DNAH17: variants seen among roughly 807,000 people sequenced by gnomAD.
The protein encoded by DNAH17 is axonemal beta dynein heavy chain 17.
Under a neutral mutation model 485.6 loss-of-function variants are expected in DNAH17, and 376 were observed. That is an observed-to-expected ratio of 0.77 (90% CI 0.71 to 0.84). The LOEUF is 0.84. Among genes scored for constraint, DNAH17 ranks in the 40% least tolerant of loss-of-function variants. The pLI is 0.00. For synonymous variants in DNAH17, 3,031 were observed against 2,405.9 expected (o/e 1.26, Z -7.60); for missense variants, 6,370 against 5,839.3 (o/e 1.09, Z -2.96).
rs55669221 is a variant in DNAH17, at chr17:78,544,800, CAAAAAAAA to C, written c.2392-811_2392-804del. Among the ~76,000 whole-genome samples the C allele has an allele frequency of 8.1e-4, 38 of 46,880 alleles. 2 individuals are homozygous for C. The highest frequency in any genetic ancestry group is 3.7e-3 in the South Asian group (6 of 1,630). 30.8% of individuals were successfully genotyped at this position (46,880 alleles called of 152,430 possible). ...TGGGGCACAGAGCGAGACTCAGTCTCAAAAAAAAAAAAAAAAAAAAAAAAGGTGGGGGT... is the reference window on the plus strand; with the variant it reads ...TGGGGCACAGAGCGAGACTCAGTCTCAAAAAAAAAAAAAAAAGGTGGGGGT... On this transcript the variant is annotated intron_variant, in intron 16 of 80. Coordinates refer to ENST00000389840, the MANE Select transcript of DNAH17 (RefSeq NM_173628.4).
In DNAH17 at chr17:78,551,632, A is replaced by C. The variant is rs951752608; in HGVS notation, c.2294T>G (p.Phe765Cys). ...TTCTCGCACCTCTTGAATGTACTGAAACACACCTAAAATGGAAATGTAGAG... is the reference window on the plus strand; with the variant it reads ...TTCTCGCACCTCTTGAATGTACTGACACACACCTAAAATGGAAATGTAGAG... Reference protein sequence around the residue: ...TTLFWNGEGVFQYIQEVREIL... With the variant: ...TTLFWNGEGVCQYIQEVREIL... The change falls in exon 16 of 81, where the codon TTT becomes TGT. Residue 765 changes from phenylalanine to cysteine, a missense_variant. By Grantham distance (205) the Phe-to-Cys change is radical (BLOSUM62 -2). Transcript: ENST00000389840. The C allele has an allele frequency of 6.2e-6, 10 of 1,613,788 alleles. No individual in the cohort carries two copies. Among genetic ancestry groups the C allele is most frequent in the Admixed American group, 3.3e-5 (2 of 60,000 alleles).
chr17:78,494,637 G>A lies in DNAH17; in HGVS notation c.6226C>T (p.Pro2076Ser), dbSNP rs2089999359. 6.2e-7 allele frequency: 1 copy of A among 1,613,932 alleles called. No homozygotes were observed. Among genetic ancestry groups the A allele is most frequent in the South Asian group, 1.1e-5 (1 of 91,088 alleles). ...CGTTTCCGAGGCACGTCCAGAGCCG[G>A]GAAGAGGTCCCCGATCAGTCCCATG... ...VFMGLIGDLF[P>S]ALDVPRKRDL... is the part of the protein sequence containing the mutation. The change falls in exon 40 of 81, where the codon CCG becomes TCG. Residue 2076 changes from proline to serine, a missense_variant. By Grantham distance (74) the Pro-to-Ser change is moderately conservative (BLOSUM62 -1). Transcript: ENST00000389840.
chr17:78,566,866 A>G (rs922509635), intron 10 of DNAH17, 133 bp downstream of exon 10: 1 of 1,330,920 alleles, frequency 7.5e-7, no homozygotes, highest in African/African-American at 1.5e-5. Context: ...ACCGCTCTAC[A>G]CAGTTTTCAA....
chr17:78,568,589 T>C (rs1440946663), intron 9 of DNAH17, among the ~76,000 whole-genome samples: 1 of 152,158 alleles, frequency 6.6e-6, no homozygotes, highest in African/African-American at 2.4e-5. Flanking sequence ...GAAAACCGCC[T>C]TGAAGCTTTT....
At chr17:78,430,325 T>C (rs1019743694) in intron 75 of DNAH17, among the ~76,000 whole-genome samples, 1 of 152,124 alleles carries the variant, frequency 6.6e-6, no homozygotes, top group Non-Finnish European at 1.5e-5. Flanking sequence ...AATAAGATAA[T>C]TGATTCTTTT....
At position 78,480,847 on chromosome 17, in the gene DNAH17, C is replaced by T; in HGVS notation, c.7650-61G>A. 3 of 1,168,394 alleles carry T rather than the reference C, an allele frequency of 2.6e-6. No individual in the cohort carries two copies. The Admixed American group carries it at 5.9e-5, about 23-fold the overall frequency. The allele number at this position is 1,168,394 out of a possible 1,614,324, so 72.4% of individuals were successfully genotyped here. Reference sequence around the variant, plus strand: ...GGCCTGGAGGAACCATCCCCTGCCCCCACTGTGCTCCCAAGAATGCCCTCC... The same window carrying T: ...GGCCTGGAGGAACCATCCCCTGCCCTCACTGTGCTCCCAAGAATGCCCTCC... On this transcript the variant is annotated intron_variant, in intron 48 of 80. Transcript: ENST00000389840.
chr17:78,512,170 G>A (rs376441089), intron 26 of DNAH17, among the ~76,000 whole-genome samples: 4 of 152,366 alleles, frequency 2.6e-5, no homozygotes, highest in South Asian at 2.1e-4. Flanking sequence ...CCTACTTCCT[G>A]CATAGGTACG....
rs1432567372 is a variant in DNAH17, at chr17:78,501,154, A to G, written c.5483+30T>C. 1.9e-6 allele frequency: 3 copies of G among 1,551,418 alleles called. No individual in the cohort carries two copies. In the South Asian group the frequency reaches 3.7e-5, roughly 19 times the overall value. ...CATGCGGAAGGGACCCACCAAGAGC[A>G]CATGTGAGTTACTCAGGGACGGGCC... On this transcript the variant is annotated intron_variant, in intron 35 of 80. Transcript: ENST00000389840.
At position 78,426,358 on chromosome 17, in the gene DNAH17, C is replaced by A. The variant is rs1568033806; in HGVS notation, c.12915+99G>T. 2.2e-6 allele frequency: 3 copies of A among 1,387,998 alleles called. No homozygotes were observed. The East Asian group carries it at 7.9e-5, about 37-fold the overall frequency. The allele number at this position is 1,387,998 out of a possible 1,614,324, so 86.0% of individuals were successfully genotyped here. On this transcript the variant is annotated intron_variant, in intron 79 of 80. Transcript: ENST00000389840. The stretch of plus-strand genomic sequence containing the variant: ...CAGAGGACAGGCCCCCAGGAGCCTC[C>A]TGGCCATGCTCCTGCAGGCTCTAGG...
chr17:78,470,625 G>A (rs1050923767), intron 54 of DNAH17, among the ~76,000 whole-genome samples: 1 of 152,138 alleles, frequency 6.6e-6, no homozygotes, highest in South Asian at 2.1e-4. Flanking sequence ...GGAGGTGGAG[G>A]TTGCAGTGAG....
In DNAH17 at chr17:78,575,006, T is replaced by C. The variant is rs148117247; in HGVS notation, c.52A>G (p.Ile18Val). Residue 18 changes from isoleucine to valine, a missense_variant, in exon 2 of 81, where the codon ATC (isoleucine) becomes GTC (valine). By Grantham distance (29) the Ile-to-Val change is conservative (BLOSUM62 3). Transcript: ENST00000389840. ...TTGTCCGGCTTGAACTTCAGGACGA[T>C]GGAGGCAACTTCCTCCAGATACTCT... ...RLEYLEEVAS[I>V]VLKFKPDKWS... is the part of the protein sequence containing the mutation. The C allele has an allele frequency of 9.7e-4, 1,572 of 1,613,998 alleles. 16 individuals carry two copies. In the African/African-American group the frequency reaches 0.019, roughly 19 times the overall value.
chr17:78,483,665 C>T (rs942368533), intron 48 of DNAH17, among the ~76,000 whole-genome samples: 1 of 151,966 alleles, frequency 6.6e-6, no homozygotes, highest in African/African-American at 2.4e-5. Context: ...AATAACCCAG[C>T]TCCGCCACTC....
intron 75 of DNAH17, among the ~76,000 whole-genome samples, chr17:78,430,567 A>G (rs2086637396): frequency 6.6e-6 from 1 of 152,110 alleles, no homozygotes; most frequent in Admixed American, 6.5e-5. Flanking sequence ...ATTTATATAC[A>G]TATGTATATA....
Position 78,560,893 on chromosome 17 carries a change from A to AT in DNAH17, c.1877dup (p.Tyr626Ter). The AT allele has an allele frequency of 6.4e-7, 1 of 1,551,398 alleles. No homozygotes were observed. Among genetic ancestry groups the AT allele is most frequent in the South Asian group, 1.2e-5 (1 of 84,060 alleles). Residue 626 changes from tyrosine to a stop codon, truncating the protein, a stop_gained and frameshift_variant, in exon 13 of 81, where the codon TAT (tyrosine) becomes TAAT (stop). Transcript: ENST00000389840. LOFTEE classifies it high-confidence loss of function. ...ACCTCAGCAGCTCCATCATCTCGTC[A>AT]TACTTCTGATAGGTCAGCTTGGCCT... ...GAEAKLTYQK[Y>*]DEMMELLRCH...
chr17:78,426,659 C>T (rs901428170), intron 78 of DNAH17, 59 bp from the exon 79 acceptor site: 2 of 1,539,382 alleles, frequency 1.3e-6, no homozygotes, highest in African/African-American at 2.8e-5. Context: ...AGAGCACCAG[C>T]CCCAGTGCGT....
chr17:78,524,715 G>A (rs1207143845), intron 25 of DNAH17, among the ~76,000 whole-genome samples: 1 of 150,704 alleles, frequency 6.6e-6, no homozygotes, highest in Non-Finnish European at 1.5e-5. Flanking sequence ...TAAAAAAGGT[G>A]AGATGTGAGA....
intron 25 of DNAH17, among the ~76,000 whole-genome samples, chr17:78,516,139 T>C (rs895535730): frequency 6.7e-6 from 1 of 148,476 alleles, no homozygotes; most frequent in Non-Finnish European, 1.5e-5. Context: ...ATACGATGAT[T>C]TGAAACCTTA....
chr17:78,454,785 C>T lies in DNAH17; in HGVS notation c.10171-80G>A. Reference sequence around the variant, plus strand: ...AGAAAATAGCTCTCCAAATAATGCTCTGTCTGGTGCTGCGGTTAGGGGTGG... The same window carrying T: ...AGAAAATAGCTCTCCAAATAATGCTTTGTCTGGTGCTGCGGTTAGGGGTGG... On this transcript the variant is annotated intron_variant, in intron 63 of 80. Transcript: ENST00000389840. 8.0e-6 allele frequency: 10 copies of T among 1,254,500 alleles called. No individual in the cohort carries two copies. The South Asian group carries it at 9.6e-5, about 12-fold the overall frequency. The allele number at this position is 1,254,500 out of a possible 1,614,324, so 77.7% of individuals were successfully genotyped here.
Position 78,526,743 on chromosome 17 carries a change from A to G in DNAH17, c.3625-6T>C. 2 of 1,603,970 alleles carry G rather than the reference A, an allele frequency of 1.2e-6. No homozygotes were observed. The highest frequency in any genetic ancestry group is 2.2e-5 in the East Asian group (1 of 44,590). ...CTGAACTCATGTTGCTTGAGCTGCG[A>G]GAGAAGAGTGCAAAGTACAGAGAGT... On this transcript the variant is annotated splice_polypyrimidine_tract_variant and splice_region_variant and intron_variant, in intron 23 of 80. Coordinates refer to ENST00000389840, the MANE Select transcript of DNAH17 (RefSeq NM_173628.4).
Sources: gnomAD v4.1 joint callset for allele counts (sites outside exome capture counted in the v4.1 genomes callset) on GRCh38, gnomAD v4.1.1 for gene constraint, MANE v1.5 for transcripts, NCBI Gene and HGNC (gene_info 2026-07-23, HGNC 2026-07-21) for gene names.